The following HS6ST3 variants were observed in gnomAD, a reference collection of about 807,000 sequenced individuals.
HS6ST3 encodes heparan-sulfate 6-O-sulfotransferase 3.
In HS6ST3, 12 loss-of-function variants were observed where a neutral mutation model predicts 36.7. The observed-to-expected ratio is 0.33, with a 90% CI of 0.21 to 0.53. The LOEUF (loss-of-function observed/expected upper bound fraction) is 0.53. HS6ST3 is among the 20% of genes least tolerant of loss of function. HS6ST3 has a pLI of 0.95. For missense variants in HS6ST3, 584 were observed against 640.9 expected, an observed-to-expected ratio of 0.91 and a Z score of 0.96; for synonymous variants, 240 against 257.5, an observed-to-expected ratio of 0.93 and a Z score of 0.65.
At chr13:96,298,288 G>A (rs4771932) in intron 1 of HS6ST3, among the ~76,000 whole-genome samples, 53,597 of 152,058 alleles carry the variant, frequency 0.35, 9,704 homozygotes, top group South Asian at 0.4. Flanking sequence ...ACAGAGATGC[G>A]TATGCACTCA....
chr13:96,550,798 T>C lies in HS6ST3; in HGVS notation c.708-281692T>C, dbSNP rs560295670. On this transcript the variant is annotated intron_variant, in intron 1 of 1. Coordinates refer to ENST00000376705, the MANE Select transcript of HS6ST3 (RefSeq NM_153456.4). ...TTTCAGAAAAAACTCATTTAAATGTTTATGTTAATTTCTTTTCATAAATGC... is the reference window on the plus strand; with the variant it reads ...TTTCAGAAAAAACTCATTTAAATGTCTATGTTAATTTCTTTTCATAAATGC... 2.0e-5 allele frequency among the ~76,000 whole-genome samples: 3 copies of C among 152,298 alleles called. No homozygotes were observed. In the South Asian group the frequency reaches 6.2e-4, roughly 32 times the overall value.
chr13:96,316,363 C>T (rs985494632), intron 1 of HS6ST3, among the ~76,000 whole-genome samples: 8 of 151,076 alleles, frequency 5.3e-5, no homozygotes, highest in Non-Finnish European at 8.8e-5. Context: ...GGCTTCAAAA[C>T]GAAGAATCAA....
chr13:96,513,965 T>A (rs1465738462), intron 1 of HS6ST3, among the ~76,000 whole-genome samples: 12 of 151,746 alleles, frequency 7.9e-5, no homozygotes, highest in Admixed American at 5.9e-4. Context: ...GAGTGCAGTG[T>A]GGTTGTAGCG....
At chr13:96,758,653 A>G (rs1335938490) in intron 1 of HS6ST3, among the ~76,000 whole-genome samples, 6 of 151,928 alleles carry the variant, frequency 3.9e-5, no homozygotes, top group African/African-American at 1.4e-4. Context: ...AGCAAAGTTT[A>G]ATTTCCAGAT....
chr13:96,643,186 A>T (rs1247575271), intron 1 of HS6ST3, among the ~76,000 whole-genome samples: 1 of 151,904 alleles, frequency 6.6e-6, no homozygotes, highest in African/African-American at 2.4e-5. Context: ...TTGGAAAGAG[A>T]CTTTTTTATA....
chr13:96,112,578 A>AATATACATATAC (rs397773858), intron 1 of HS6ST3, among the ~76,000 whole-genome samples: 1 of 81,248 alleles, frequency 1.2e-5, no homozygotes, highest in African/African-American at 4.9e-5. Flanking sequence ...AAAATAAATA[A>AATATACATATAC]ATATATATAT....
chr13:96,615,908 G>A (rs1300868636), intron 1 of HS6ST3, among the ~76,000 whole-genome samples: 2 of 152,204 alleles, frequency 1.3e-5, no homozygotes, highest in Non-Finnish European at 2.9e-5. Flanking sequence ...CCACTTCTAG[G>A]AGGAATTTTT....
At chr13:96,123,333 A>G (rs930906154) in intron 1 of HS6ST3, among the ~76,000 whole-genome samples, 1 of 152,210 alleles carries the variant, frequency 6.6e-6, no homozygotes, top group Non-Finnish European at 1.5e-5. Flanking sequence ...GGAAATACAT[A>G]TTATTCAAGT....
At chr13:96,337,657 A>G (rs1211135755) in intron 1 of HS6ST3, among the ~76,000 whole-genome samples, 3 of 152,102 alleles carry the variant, frequency 2.0e-5, no homozygotes, top group African/African-American at 7.2e-5. Context: ...TTTCATCTCT[A>G]TAGCTGAGAA....
At chr13:96,724,165 A>AT (rs1212872066) in intron 1 of HS6ST3, among the ~76,000 whole-genome samples, 1 of 152,228 alleles carries the variant, frequency 6.6e-6, no homozygotes, top group Non-Finnish European at 1.5e-5. Flanking sequence ...TTATATTAAC[A>AT]TTTATGAACA....
intron 1 of HS6ST3, among the ~76,000 whole-genome samples, chr13:96,456,624 T>C (rs1594784247): frequency 6.6e-6 from 1 of 152,194 alleles, no homozygotes; most frequent in South Asian, 2.1e-4. Flanking sequence ...GTTTCACTTC[T>C]ACTTTATTAT....
At chr13:96,785,055 G>T (rs1877613821) in intron 1 of HS6ST3, among the ~76,000 whole-genome samples, 1 of 152,130 alleles carries the variant, frequency 6.6e-6, no homozygotes, top group African/African-American at 2.4e-5. Context: ...TATAATCCCA[G>T]CTACTAGAGA....
intron 1 of HS6ST3, among the ~76,000 whole-genome samples, chr13:96,688,290 C>G (rs1207784264): frequency 6.6e-6 from 1 of 151,716 alleles, no homozygotes; most frequent in African/African-American, 2.4e-5. Flanking sequence ...GCCTTTCAAA[C>G]CTCCCTCTGG....
At chr13:96,203,828 G>T (rs894125636) in intron 1 of HS6ST3, among the ~76,000 whole-genome samples, 1 of 152,098 alleles carries the variant, frequency 6.6e-6, no homozygotes, top group Non-Finnish European at 1.5e-5. Flanking sequence ...ATACCATTCC[G>T]AATTCCATGC....
At chr13:96,247,053 T>C (rs2139375451) in intron 1 of HS6ST3, among the ~76,000 whole-genome samples, 1 of 152,272 alleles carries the variant, frequency 6.6e-6, no homozygotes, top group Admixed American at 6.5e-5. Context: ...TATTTTGTAT[T>C]TTATTACACC....
intron 1 of HS6ST3, among the ~76,000 whole-genome samples, chr13:96,689,610 T>C (rs560429680): frequency 7.0e-6 from 1 of 143,324 alleles, no homozygotes; most frequent in African/African-American, 2.7e-5. Context: ...TTCTTTCTTT[T>C]TTTTTTTTTT....
chr13:96,209,567 T>C (rs546586926), intron 1 of HS6ST3, among the ~76,000 whole-genome samples: 1 of 152,242 alleles, frequency 6.6e-6, no homozygotes, highest in East Asian at 1.9e-4. Flanking sequence ...TTTGGGAGAA[T>C]TTCTAGTCAA....
chr13:96,205,119 A>G (rs1198066442), intron 1 of HS6ST3, among the ~76,000 whole-genome samples: 2 of 151,728 alleles, frequency 1.3e-5, no homozygotes, highest in African/African-American at 2.4e-5. Context: ...GAAGAATCCA[A>G]TGAACACGAT....
chr13:96,141,901 A>G (rs1409256082), intron 1 of HS6ST3, among the ~76,000 whole-genome samples: 1 of 152,154 alleles, frequency 6.6e-6, no homozygotes, highest in African/African-American at 2.4e-5. Context: ...CATCACTGTT[A>G]TAAAGTTGTA....
Sources: gnomAD v4.1 joint callset for allele counts (sites outside exome capture counted in the v4.1 genomes callset) on GRCh38, gnomAD v4.1.1 for gene constraint, MANE v1.5 for transcripts, NCBI Gene and HGNC (gene_info 2026-07-23, HGNC 2026-07-21) for gene names.